The following CPNE4 variants were observed in gnomAD, a reference collection of about 807,000 sequenced individuals.
CPNE4 encodes copine-4.
Under a neutral mutation model 67.9 loss-of-function variants are expected in CPNE4, and 25 were observed. The observed-to-expected ratio is 0.37, with a 90% CI of 0.27 to 0.51. The LOEUF (loss-of-function observed/expected upper bound fraction) is 0.51, where lower values mean the gene tolerates loss of function less well. CPNE4 is among the 20% of genes least tolerant of loss of function. The pLI is 0.93. For synonymous variants in CPNE4, 242 were observed against 244.9 expected (o/e 0.99, Z 0.11); for missense variants, 464 against 690.8 (o/e 0.67, Z 3.68).
intron 1 of CPNE4, among the ~76,000 whole-genome samples, chr3:131,972,058 A>G (rs182147432): frequency 6.6e-6 from 1 of 152,300 alleles, no homozygotes; most frequent in Admixed American, 6.5e-5. Flanking sequence ...GAAAATGTTC[A>G]TGGCAACTGA....
chr3:131,903,966 T>C (rs2088648072), intron 2 of CPNE4, among the ~76,000 whole-genome samples: 2 of 152,102 alleles, frequency 1.3e-5, no homozygotes. Flanking sequence ...AGTTAGAGTC[T>C]AGCAGGCACA....
At chr3:131,844,232 G>C (rs910228028) in intron 2 of CPNE4, among the ~76,000 whole-genome samples, 2 of 150,724 alleles carry the variant, frequency 1.3e-5, no homozygotes, top group African/African-American at 2.4e-5. Flanking sequence ...CACTCTTTAT[G>C]AATTAGCCCA....
intron 3 of CPNE4, among the ~76,000 whole-genome samples, chr3:131,711,119 A>G (rs1282080222): frequency 6.6e-6 from 1 of 152,232 alleles, no homozygotes; most frequent in African/African-American, 2.4e-5. Context: ...AGTGTTAATA[A>G]TTAAGCCATG....
chr3:131,982,781 A>C (rs1323831863), intron 1 of CPNE4, among the ~76,000 whole-genome samples: 1 of 152,114 alleles, frequency 6.6e-6, no homozygotes, highest in Non-Finnish European at 1.5e-5. Context: ...ATAATAAATT[A>C]CATATATATG....
At chr3:131,931,947 C>T (rs944386262) in intron 1 of CPNE4, among the ~76,000 whole-genome samples, 2 of 152,104 alleles carry the variant, frequency 1.3e-5, no homozygotes, top group Non-Finnish European at 1.5e-5. Context: ...AGTTTATTGA[C>T]CTTCAAAACA....
intron 7 of CPNE4, among the ~76,000 whole-genome samples, chr3:131,625,474 T>TTGAGGG (rs2107767073): frequency 6.6e-6 from 1 of 152,198 alleles, no homozygotes; most frequent in East Asian, 1.9e-4. Flanking sequence ...GATTTACCCT[T>TTGAGGG]TGAGGGTAAG....
intron 1 of CPNE4, among the ~76,000 whole-genome samples, chr3:132,006,592 C>T (rs895637532): frequency 1.3e-5 from 2 of 152,042 alleles, no homozygotes; most frequent in African/African-American, 4.8e-5. Context: ...TTGCCTGAAA[C>T]TATAAAATTG....
At chr3:131,542,165 C>G (rs1357072163) in intron 15 of CPNE4, among the ~76,000 whole-genome samples, 1 of 152,026 alleles carries the variant, frequency 6.6e-6, no homozygotes, top group Non-Finnish European at 1.5e-5. Flanking sequence ...TCAGTTTCTG[C>G]TTGGTACTTT....
At chr3:131,713,376 T>C (rs2081606194) in intron 3 of CPNE4, among the ~76,000 whole-genome samples, 1 of 152,110 alleles carries the variant, frequency 6.6e-6, no homozygotes, top group Non-Finnish European at 1.5e-5. Context: ...GAACGACATC[T>C]ATGACTTTAC....
intron 12 of CPNE4, among the ~76,000 whole-genome samples, chr3:131,554,803 GTAC>G (rs1221662024): frequency 6.6e-6 from 1 of 151,930 alleles, no homozygotes. Context: ...GCTGGGAGAG[GTAC>G]CCTGCTGTCT....
chr3:131,549,570 C>T (rs1226333039), intron 14 of CPNE4, among the ~76,000 whole-genome samples: 1 of 152,136 alleles, frequency 6.6e-6, no homozygotes, highest in East Asian at 1.9e-4. Context: ...TGGTGCTTTG[C>T]TTCCATCTGT....
At chr3:131,892,748 A>T (rs1252569234) in intron 2 of CPNE4, among the ~76,000 whole-genome samples, 3 of 152,108 alleles carry the variant, frequency 2.0e-5, no homozygotes, top group African/African-American at 7.2e-5. Context: ...TTAAGTTGTG[A>T]TCAGCTTAAA....
chr3:131,705,987 G>A (rs77308995), intron 3 of CPNE4, among the ~76,000 whole-genome samples: 20,818 of 151,990 alleles, frequency 0.14, 1,646 homozygotes, highest in African/African-American at 0.2. Flanking sequence ...TCCCTCCCCC[G>A]GCCACACCAG....
At chr3:131,598,227 T>G (rs188231641) in intron 7 of CPNE4, among the ~76,000 whole-genome samples, 2 of 152,324 alleles carry the variant, frequency 1.3e-5, no homozygotes, top group African/African-American at 2.4e-5. Context: ...GGCAAGCTTC[T>G]CAACTCCTCC....
chr3:131,542,456 A>G, intron 15 of CPNE4, 101 bp downstream of exon 15: 1 of 844,746 alleles, frequency 1.2e-6, no homozygotes, highest in Non-Finnish European at 2.0e-6. Context: ...TGTTGCTTCA[A>G]GAATGGTGGA....
At chr3:131,733,729 G>A (rs750866368) in intron 2 of CPNE4, among the ~76,000 whole-genome samples, 16 of 152,234 alleles carry the variant, frequency 1.1e-4, no homozygotes, top group Non-Finnish European at 2.1e-4. Context: ...CAAGTGTAAA[G>A]CAATTTTCAC....
chr3:131,768,905 CT>C lies in CPNE4; in HGVS notation c.181-45281del, dbSNP rs1274981449. On this transcript the variant is annotated intron_variant, in intron 2 of 15. Coordinates refer to ENST00000429747, the MANE Select transcript of CPNE4 (RefSeq NM_130808.3). ...AAGGAAAATTCTAAGTTCTTTGCAT[CT>C]TATATATGCTAGAAAAAGATGTTTT... 6.6e-5 allele frequency among the ~76,000 whole-genome samples: 10 copies of C among 152,180 alleles called. No homozygotes were observed. The South Asian group carries it at 1.9e-3, about 28-fold the overall frequency.
At chr3:131,596,621 C>CAAAAAAAAAAAAAAA (rs58456346) in intron 7 of CPNE4, among the ~76,000 whole-genome samples, 8 of 32,978 alleles carry the variant, frequency 2.4e-4, no homozygotes, top group Non-Finnish European at 3.4e-4. Context: ...GACTCCGTCT[C>CAAAAAAAAAAAAAAA]AAAAAAAAAA....
At chr3:131,975,959 A>G (rs16838169) in intron 1 of CPNE4, among the ~76,000 whole-genome samples, 6,699 of 152,212 alleles carry the variant, frequency 0.044, 485 homozygotes, top group African/African-American at 0.15. Flanking sequence ...CGGTGCGGTA[A>G]AATAGATAAC....
Sources: gnomAD v4.1 joint callset for allele counts (sites outside exome capture counted in the v4.1 genomes callset) on GRCh38, gnomAD v4.1.1 for gene constraint, MANE v1.5 for transcripts, NCBI Gene and HGNC (gene_info 2026-07-23, HGNC 2026-07-21) for gene names.